The following DIP2C variants were observed in gnomAD, a reference collection of about 807,000 sequenced individuals.
The protein encoded by DIP2C is disco-interacting protein 2 homolog C.
Under a neutral mutation model 192.4 loss-of-function variants are expected in DIP2C, and 33 were observed. That is an observed-to-expected ratio of 0.17 (90% CI 0.13 to 0.23). The LOEUF (loss-of-function observed/expected upper bound fraction) is 0.23, where lower values mean the gene tolerates loss of function less well. DIP2C is among the 10% of genes least tolerant of loss of function. The probability of loss-of-function intolerance (pLI) is 1.00; values close to 1 mark genes in which losing one functional copy is unlikely to be tolerated. For synonymous variants in DIP2C, 979 were observed against 864.1 expected, an observed-to-expected ratio of 1.13 and a Z score of -2.33; for missense variants, 1,537 against 2,110.1, an observed-to-expected ratio of 0.73 and a Z score of 5.32.
chr10:665,083 TA>T (rs991081008), intron 1 of DIP2C: 1 of 152,092 alleles, frequency 6.6e-6, no homozygotes, highest in African/African-American at 2.4e-5. Flanking sequence ...CCTTGAAATT[TA>T]AAAAAACAAA....
At chr10:565,422 CCA>C (rs1211343656) in intron 1 of DIP2C, among the ~76,000 whole-genome samples, 1 of 149,620 alleles carries the variant, frequency 6.7e-6, no homozygotes, top group Non-Finnish European at 1.5e-5. Context: ...ACTTTCAAAA[CCA>C]CACATCTCAC....
At chr10:688,620 T>A (rs1831419460) in intron 1 of DIP2C, among the ~76,000 whole-genome samples, 1 of 130,862 alleles carries the variant, frequency 7.6e-6, no homozygotes, top group South Asian at 2.5e-4. Context: ...CAGAGACGGC[T>A]AAATGCACAT....
intron 4 of DIP2C, among the ~76,000 whole-genome samples, chr10:433,746 C>T (rs1966953271): frequency 6.6e-6 from 1 of 152,064 alleles, no homozygotes. Flanking sequence ...TACTCTTGAT[C>T]TATATATATT....
At chr10:391,234 G>A (rs963479109) in intron 10 of DIP2C, among the ~76,000 whole-genome samples, 2 of 152,118 alleles carry the variant, frequency 1.3e-5, no homozygotes, top group Non-Finnish European at 2.9e-5. Context: ...GAATAGACAG[G>A]GCCTGAAAAA....
At position 507,987 on chromosome 10, in the gene DIP2C, T is replaced by C. The variant is rs560048178; in HGVS notation, c.86-21457A>G. ...TCATCAGCACCATTTGTGCCTGTCC[T>C]GGTCAGGAAGAGCTGCAACCACGTC... On this transcript the variant is annotated intron_variant, in intron 1 of 36. Coordinates refer to ENST00000280886, the MANE Select transcript of DIP2C (RefSeq NM_014974.3). Among the ~76,000 whole-genome samples, 5 of 152,342 alleles carry C rather than the reference T, an allele frequency of 3.3e-5. No homozygotes were observed. In the East Asian group the frequency reaches 9.7e-4, roughly 29 times the overall value.
At chr10:648,062 C>T (rs1357668813) in intron 1 of DIP2C, among the ~76,000 whole-genome samples, 6 of 151,028 alleles carry the variant, frequency 4.0e-5, no homozygotes, top group African/African-American at 9.8e-5. Context: ...ACTGAGTCCA[C>T]GTCCACATTG....
At position 288,561 on chromosome 10, in the gene DIP2C, C is replaced by T. The variant is rs1020606521; in HGVS notation, c.3987-140G>A. The T allele has an allele frequency of 3.6e-6, 3 of 840,418 alleles. No homozygotes were observed. In the African/African-American group the frequency reaches 5.1e-5, roughly 14 times the overall value. 52.1% of individuals were successfully genotyped at this position (840,418 alleles called of 1,614,324 possible). On this transcript the variant is annotated intron_variant, in intron 32 of 36. Transcript: ENST00000280886. ...TCATCCAACAGCAAGGACGAAGCTG[C>T]AGAAAGAGCAGCCCAGCAGCAGAGG...
At chr10:611,747 A>AG (rs1343653766) in intron 1 of DIP2C, among the ~76,000 whole-genome samples, 2 of 152,224 alleles carry the variant, frequency 1.3e-5, no homozygotes, top group Non-Finnish European at 2.9e-5. Context: ...CCATGAGAGC[A>AG]GGGGCTCTTG....
In DIP2C at chr10:419,163, G is replaced by T; in HGVS notation, c.641C>A (p.Thr214Asn). 1 of 1,614,272 alleles carries T rather than the reference G, an allele frequency of 6.2e-7. No individual in the cohort carries two copies. Among genetic ancestry groups the T allele is most frequent in the Non-Finnish European group, 8.5e-7 (1 of 1,180,048 alleles). The change falls in exon 6 of 37, where the codon ACC becomes AAC. Residue 214 changes from threonine to asparagine, a missense_variant. This residue lies in a region of DIP2C where 473 missense variants were observed against 539.6 expected (regional missense o/e 0.88). Transcript: ENST00000280886. Reference sequence around the variant, plus strand: ...CTCCACCTGTATCGAGTGCTCTGAGGTGTACGTGGTTACGTCAGGAGGTGC... The same window carrying T: ...CTCCACCTGTATCGAGTGCTCTGAGTTGTACGTGGTTACGTCAGGAGGTGC... ...HSAPPDVTTY[T>N]SEHSIQVERP... is the part of the protein sequence containing the mutation.
chr10:469,580 G>A (rs1457989969), intron 3 of DIP2C, among the ~76,000 whole-genome samples: 2 of 152,104 alleles, frequency 1.3e-5, no homozygotes, highest in African/African-American at 2.4e-5. Context: ...GCCTCCCAAA[G>A]TGCTGGGACT....
At chr10:503,710 G>A (rs1382763294) in intron 1 of DIP2C, among the ~76,000 whole-genome samples, 2 of 152,108 alleles carry the variant, frequency 1.3e-5, no homozygotes, top group Admixed American at 6.5e-5. Flanking sequence ...GCCAAACACC[G>A]AGTTAACGTT....
chr10:301,171 A>G (rs779470981), intron 32 of DIP2C, among the ~76,000 whole-genome samples: 1 of 152,176 alleles, frequency 6.6e-6, no homozygotes, highest in Admixed American at 6.5e-5. Context: ...CTCATGAGCC[A>G]GCAGGAGATG....
intron 1 of DIP2C, among the ~76,000 whole-genome samples, chr10:613,377 T>A (rs996680601): frequency 6.6e-6 from 1 of 152,004 alleles, no homozygotes; most frequent in African/African-American, 2.4e-5. Flanking sequence ...GCATCTGAGC[T>A]GAGATGTGAA....
intron 28 of DIP2C, among the ~76,000 whole-genome samples, 180 bp downstream of exon 28, chr10:344,629 A>C (rs995009490): frequency 2.0e-5 from 3 of 152,254 alleles, no homozygotes; most frequent in African/African-American, 7.2e-5. Flanking sequence ...AGAATCAGTC[A>C]GCCTGGTTAA....
In DIP2C at chr10:419,093, G is replaced by A. The variant is rs2133142336; in HGVS notation, c.711C>T (p.Gly237=). 6.2e-7 allele frequency: 1 copy of A among 1,614,282 alleles called. No homozygotes were observed. The highest frequency in any genetic ancestry group is 2.2e-5 in the East Asian group (1 of 44,890). ...STGSRTAPKY[G]NAELMETGDG... Reference sequence around the variant, plus strand: ...CCCCGGTCTCCATGAGCTCGGCGTTGCCGTACTTGGGCGCTGTCCGGGACC... The same window carrying A: ...CCCCGGTCTCCATGAGCTCGGCGTTACCGTACTTGGGCGCTGTCCGGGACC... The change falls in exon 6 of 37, where the codon GGC becomes GGT. Residue 237 remains glycine (G), a synonymous_variant. Transcript: ENST00000280886.
At chr10:400,990 G>A (rs200644625) in intron 9 of DIP2C, among the ~76,000 whole-genome samples, 37,021 of 87,354 alleles carry the variant, frequency 0.42, 8,329 homozygotes, top group South Asian at 0.54. Flanking sequence ...AGTTTGGTAT[G>A]TGTTCATCAG....
At chr10:515,548 C>T (rs899755669) in intron 1 of DIP2C, among the ~76,000 whole-genome samples, 14 of 152,046 alleles carry the variant, frequency 9.2e-5, no homozygotes, top group African/African-American at 3.1e-4. Flanking sequence ...TATGGCAAAA[C>T]CCTGTCTCTA....
intron 6 of DIP2C, among the ~76,000 whole-genome samples, chr10:417,397 T>G (rs1258258177): frequency 6.6e-6 from 1 of 151,018 alleles, no homozygotes; most frequent in Non-Finnish European, 1.5e-5. Context: ...GTTACTAAAA[T>G]GACAAGAATA....
intron 1 of DIP2C, among the ~76,000 whole-genome samples, chr10:500,575 A>G (rs548979299): frequency 1.3e-5 from 2 of 152,384 alleles, no homozygotes; most frequent in Non-Finnish European, 2.9e-5. Flanking sequence ...TGCAATGGAC[A>G]GAGTACATAA....
Sources: allele counts gnomAD v4.1 joint callset (sites outside exome capture counted in the v4.1 genomes callset), GRCh38; gene constraint gnomAD v4.1.1; regional missense constraint gnomAD v4.1.1; transcripts MANE v1.5; gene names NCBI Gene and HGNC (gene_info 2026-07-23, HGNC 2026-07-21).